Variants in CIMIP3 observed in about 807,000 individuals in gnomAD.
CIMIP3 encodes ciliary microtubule inner protein 3, also known as GUCA1A neighbor.
the CIMIP3 span, among the ~76,000 whole-genome samples, chr6:42,159,706 A>G: frequency 1.3e-5 from 2 of 152,230 alleles, no homozygotes; most frequent in Admixed American, 6.5e-5. Flanking sequence ...GAGGACAGAA[A>G]GAAATAGAAG....
chr6:42,156,034 C>T, the CIMIP3 span, among the ~76,000 whole-genome samples: 6 of 152,018 alleles, frequency 3.9e-5, no homozygotes, highest in Non-Finnish European at 7.4e-5. Context: ...CGCTTTGTTG[C>T]CCAGGCTGGA....
At chr6:42,155,569 C>G in the CIMIP3 span, 6 of 717,372 alleles carry the variant, frequency 8.4e-6, no homozygotes, top group South Asian at 8.9e-5. Context: ...AAAGCCCCAG[C>G]CAGCCTCACA....
the CIMIP3 span, among the ~76,000 whole-genome samples, chr6:42,159,488 G>A: frequency 6.6e-6 from 1 of 152,220 alleles, no homozygotes; most frequent in South Asian, 2.1e-4. Context: ...TCATGGTGTA[G>A]ACCTCACACT....
chr6:42,156,296 A>AT, the CIMIP3 span, among the ~76,000 whole-genome samples: 13 of 139,596 alleles, frequency 9.3e-5, no homozygotes, highest in East Asian at 8.3e-4. Flanking sequence ...GTGCTCAGCC[A>AT]TTTTTTTTTC....
At chr6:42,162,501 A>G in the CIMIP3 span, among the ~76,000 whole-genome samples, 1 of 145,396 alleles carries the variant, frequency 6.9e-6, no homozygotes, top group Non-Finnish European at 1.5e-5. Flanking sequence ...GCCCTGGTGG[A>G]GGGCAAGCTG....
the CIMIP3 span, chr6:42,162,976 G>A: frequency 7.0e-6 from 5 of 710,716 alleles, no homozygotes; most frequent in Non-Finnish European, 1.3e-5. Context: ...CATGCAAGGG[G>A]GTGAAGGCTC....
At chr6:42,155,582 T>G in the CIMIP3 span, 1 of 717,484 alleles carries the variant, frequency 1.4e-6, no homozygotes. Context: ...GCCTCACATG[T>G]GCGGCTGGGA....
the CIMIP3 span, among the ~76,000 whole-genome samples, chr6:42,161,184 A>C: frequency 1.3e-5 from 2 of 152,168 alleles, no homozygotes; most frequent in Non-Finnish European, 2.9e-5. Flanking sequence ...GCGAAACTCC[A>C]TCTCAAAAAA....
chr6:42,161,867 G>C, the CIMIP3 span, among the ~76,000 whole-genome samples: 1 of 152,104 alleles, frequency 6.6e-6, no homozygotes, highest in African/African-American at 2.4e-5. Flanking sequence ...GTTATGTCAA[G>C]GGTAAGAGTA....
At chr6:42,162,784 G>C in the CIMIP3 span, 1 of 448,670 alleles carries the variant, frequency 2.2e-6, no homozygotes, top group Non-Finnish European at 4.0e-6. Context: ...TGGCTCCATG[G>C]TCAGCACAGC....
At chr6:42,161,715 T>C in the CIMIP3 span, among the ~76,000 whole-genome samples, 1 of 152,210 alleles carries the variant, frequency 6.6e-6, no homozygotes, top group Non-Finnish European at 1.5e-5. Context: ...CAATGAGATA[T>C]GTTATAAAAT....
chr6:42,160,352 G>T, the CIMIP3 span, among the ~76,000 whole-genome samples: 1 of 152,134 alleles, frequency 6.6e-6, no homozygotes, highest in African/African-American at 2.4e-5. Context: ...CTGCCTATAA[G>T]CCCCTGTGCC....
At chr6:42,163,292 T>G in the CIMIP3 span, 6 of 504,766 alleles carry the variant, frequency 1.2e-5, no homozygotes, top group Admixed American at 1.8e-4. Context: ...CCCTCACCCC[T>G]GTGACCTCAG....
chr6:42,159,777 A>C, the CIMIP3 span, among the ~76,000 whole-genome samples: 1 of 152,226 alleles, frequency 6.6e-6, no homozygotes, highest in Non-Finnish European at 1.5e-5. Flanking sequence ...CACGTCATGG[A>C]GCACAGGGTG....
At chr6:42,157,442 G>T in the CIMIP3 span, among the ~76,000 whole-genome samples, 1 of 152,028 alleles carries the variant, frequency 6.6e-6, no homozygotes, top group East Asian at 1.9e-4. Flanking sequence ...TAGAGACGGG[G>T]TTTTGCCACG....
the CIMIP3 span, among the ~76,000 whole-genome samples, chr6:42,161,120 G>A: frequency 6.6e-6 from 1 of 152,164 alleles, no homozygotes; most frequent in Non-Finnish European, 1.5e-5. Flanking sequence ...CCCAGGAGGT[G>A]GGGATTGCAG....
At chr6:42,162,613 C>A in the CIMIP3 span, among the ~76,000 whole-genome samples, 1 of 135,510 alleles carries the variant, frequency 7.4e-6, no homozygotes, top group Non-Finnish European at 1.5e-5. Flanking sequence ...CACGGACAGA[C>A]GATTGGATGC....
chr6:42,162,140 G>T, the CIMIP3 span, among the ~76,000 whole-genome samples: 1 of 132,768 alleles, frequency 7.5e-6, no homozygotes, highest in South Asian at 2.6e-4. Context: ...TAGGCTGGAC[G>T]CAGTGGCTCA....
the CIMIP3 span, among the ~76,000 whole-genome samples, chr6:42,161,970 C>A: frequency 1.3e-5 from 2 of 151,820 alleles, no homozygotes; most frequent in Non-Finnish European, 2.9e-5. Context: ...CTGGGGAACA[C>A]CTGAGCCAAG....
Sources: gnomAD v4.1 joint callset for allele counts (sites outside exome capture counted in the v4.1 genomes callset) on GRCh38, gnomAD v4.1.1 for gene constraint, MANE v1.5 for transcripts, NCBI Gene and HGNC (gene_info 2026-07-23, HGNC 2026-07-21) for gene names.